The following ADAMTSL3 variants were observed in gnomAD, a reference collection of about 807,000 sequenced individuals.
The protein encoded by ADAMTSL3 is ADAMTS-like protein 3.
ADAMTSL3 carries 128 observed loss-of-function variants against 201.7 expected under a neutral mutation model. The observed-to-expected ratio is 0.63, with a 90% CI of 0.55 to 0.73. ADAMTSL3 has a LOEUF of 0.73. ADAMTSL3 is among the 30% of genes least tolerant of loss of function. The pLI, the probability that ADAMTSL3 is intolerant of heterozygous loss-of-function variation, is 0.00. For synonymous variants in ADAMTSL3, 738 were observed against 748.4 expected, an observed-to-expected ratio of 0.99 and a Z score of 0.23; for missense variants, 1,990 against 2,119.6, an observed-to-expected ratio of 0.94 and a Z score of 1.20.
intron 3 of ADAMTSL3, among the ~76,000 whole-genome samples, chr15:83,717,138 T>C (rs527266544): frequency 8.5e-5 from 13 of 152,310 alleles, no homozygotes; most frequent in African/African-American, 2.6e-4. Context: ...ACATCTGAGC[T>C]GATAATAGCA....
At chr15:83,714,680 C>T (rs1331917590) in intron 3 of ADAMTSL3, among the ~76,000 whole-genome samples, 1 of 149,394 alleles carries the variant, frequency 6.7e-6, no homozygotes, top group Non-Finnish European at 1.5e-5. Context: ...TCCCTCCCTC[C>T]CTCCCTTCCT....
intron 2 of ADAMTSL3, among the ~76,000 whole-genome samples, chr15:83,695,126 T>G (rs894248335): frequency 2.1e-3 from 286 of 138,698 alleles, no homozygotes; most frequent in Middle Eastern, 3.8e-3. Flanking sequence ...TGTGTGTGTG[T>G]GGGGGTATAT....
At chr15:83,985,007 A>G (rs552703263) in intron 21 of ADAMTSL3, among the ~76,000 whole-genome samples, 6 of 152,336 alleles carry the variant, frequency 3.9e-5, no homozygotes, top group African/African-American at 1.4e-4. Context: ...GAAATGTGCA[A>G]TCTGAAACTA....
chr15:83,704,170 C>T (rs912432970), intron 2 of ADAMTSL3, among the ~76,000 whole-genome samples: 4 of 152,116 alleles, frequency 2.6e-5, no homozygotes, highest in Non-Finnish European at 4.4e-5. Flanking sequence ...AATGCCATGG[C>T]TGCCAGTTTG....
chr15:83,747,162 G>C (rs2062560254), intron 3 of ADAMTSL3, among the ~76,000 whole-genome samples: 1 of 152,136 alleles, frequency 6.6e-6, no homozygotes, highest in Non-Finnish European at 1.5e-5. Flanking sequence ...GTTAGATAAG[G>C]AAGTGTTGGG....
At chr15:83,742,508 G>A (rs1189110162) in intron 3 of ADAMTSL3, among the ~76,000 whole-genome samples, 1 of 151,974 alleles carries the variant, frequency 6.6e-6, no homozygotes, top group Non-Finnish European at 1.5e-5. Context: ...GCTTTCAAAA[G>A]GCTAAATTTA....
At chr15:83,802,453 A>G (rs761693297) in intron 4 of ADAMTSL3, among the ~76,000 whole-genome samples, 4 of 152,214 alleles carry the variant, frequency 2.6e-5, no homozygotes, top group Non-Finnish European at 5.9e-5. Flanking sequence ...CTAAAAACAA[A>G]TATCTAGCTG....
At chr15:84,031,310 A>C in intron 27 of ADAMTSL3, 25 bp from the exon 28 acceptor site, 1 of 1,607,316 alleles carries the variant, frequency 6.2e-7, no homozygotes, top group East Asian at 2.2e-5. Flanking sequence ...CAGGATTTAC[A>C]CTGCACTGTG....
chr15:83,984,975 G>T (rs544093219), intron 21 of ADAMTSL3, among the ~76,000 whole-genome samples: 3 of 152,090 alleles, frequency 2.0e-5, no homozygotes, highest in Non-Finnish European at 4.4e-5. Flanking sequence ...CTAGACAAAG[G>T]GTCATTTCTC....
At chr15:83,680,512 TG>T (rs1363860054) in intron 2 of ADAMTSL3, among the ~76,000 whole-genome samples, 14 of 130,460 alleles carry the variant, frequency 1.1e-4, no homozygotes, top group African/African-American at 3.5e-4. Context: ...CCTTAGTTGT[TG>T]TTTTTTTTTT....
intron 6 of ADAMTSL3, among the ~76,000 whole-genome samples, chr15:83,821,783 C>T (rs1056937133): frequency 2.8e-4 from 42 of 151,942 alleles, no homozygotes; most frequent in Admixed American, 7.9e-4. Context: ...GGGTGGTGGC[C>T]GGGCAGAGGG....
chr15:83,845,278 C>T (rs1273391018), intron 7 of ADAMTSL3, among the ~76,000 whole-genome samples: 1 of 152,232 alleles, frequency 6.6e-6, no homozygotes, highest in African/African-American at 2.4e-5. Context: ...GTAAGCTTTG[C>T]AAGAGCAGGC....
intron 3 of ADAMTSL3, among the ~76,000 whole-genome samples, chr15:83,755,904 G>A (rs1030563982): frequency 6.6e-6 from 1 of 152,154 alleles, no homozygotes; most frequent in African/African-American, 2.4e-5. Context: ...GGGACTACAG[G>A]CGCCTGCCAC....
intron 8 of ADAMTSL3, among the ~76,000 whole-genome samples, chr15:83,864,792 G>C (rs1270830563): frequency 2.0e-5 from 3 of 152,214 alleles, no homozygotes; most frequent in South Asian, 4.2e-4. Context: ...AGAAATAAAG[G>C]GTATTCAATT....
chr15:83,888,948 T>C (rs2065452842), intron 10 of ADAMTSL3, among the ~76,000 whole-genome samples: 1 of 152,146 alleles, frequency 6.6e-6, no homozygotes, highest in African/African-American at 2.4e-5. Flanking sequence ...AGAGGCAGAG[T>C]GCTTGGCTTT....
chr15:83,720,365 C>A (rs764817111), intron 3 of ADAMTSL3, among the ~76,000 whole-genome samples: 2 of 152,134 alleles, frequency 1.3e-5, no homozygotes, highest in African/African-American at 2.4e-5. Flanking sequence ...TACAATTAAA[C>A]ATTTCTTCCA....
intron 3 of ADAMTSL3, among the ~76,000 whole-genome samples, chr15:83,736,113 A>C (rs2062365797): frequency 6.6e-6 from 1 of 152,082 alleles, no homozygotes; most frequent in African/African-American, 2.4e-5. Context: ...GTAATAAGCT[A>C]GTGTTCATAA....
At position 83,998,107 on chromosome 15, in the gene ADAMTSL3, T is replaced by C. The variant is rs547367727; in HGVS notation, c.3973+6893T>C. On this transcript the variant is annotated intron_variant, in intron 23 of 29. Coordinates refer to ENST00000286744, the MANE Select transcript of ADAMTSL3 (RefSeq NM_207517.3). ...CAAAGGAGTTCTTGGAGCTGCAATA[T>C]CAGCCCATGAAAAATCCAGTTACCT... Among the ~76,000 whole-genome samples, 11 of 151,968 alleles carry C rather than the reference T, an allele frequency of 7.2e-5. No individual in the cohort carries two copies. The South Asian group carries it at 2.3e-3, about 32-fold the overall frequency.
intron 3 of ADAMTSL3, among the ~76,000 whole-genome samples, chr15:83,744,948 A>C (rs1056278811): frequency 6.6e-6 from 1 of 152,222 alleles, no homozygotes; most frequent in Non-Finnish European, 1.5e-5. Flanking sequence ...CCCCACCCTC[A>C]AGCCTGGAAC....
Sources: gnomAD v4.1 joint callset for allele counts (sites outside exome capture counted in the v4.1 genomes callset) on GRCh38, gnomAD v4.1.1 for gene constraint, MANE v1.5 for transcripts, NCBI Gene and HGNC (gene_info 2026-07-23, HGNC 2026-07-21) for gene names.